The following INTS1 variants were observed in gnomAD, a reference collection of about 807,000 sequenced individuals.
INTS1 encodes the protein integrator complex subunit 1.
INTS1 carries 137 observed loss-of-function variants against 241.6 expected under a neutral mutation model. That is an observed-to-expected ratio of 0.57 (90% CI 0.49 to 0.65). INTS1 has a LOEUF of 0.65. INTS1 is among the 30% of genes least tolerant of loss of function. The pLI is 0.00. For missense variants in INTS1, 3,073 were observed against 3,032.2 expected (o/e 1.01, Z -0.32); for synonymous variants, 1,692 against 1,337.8 (o/e 1.26, Z -5.78).
At position 1,481,542 on chromosome 7, in the gene INTS1, G is replaced by C; in HGVS notation, c.3704-54C>G. ...CCCAAAACCCGGGCAATGCGCACTC[G>C]GGACCCCACCCGAGACCTGGGGCTG... On this transcript the variant is annotated intron_variant, in intron 27 of 47. Transcript: ENST00000404767. The surrounding 1 kb of genome is among the most constrained non-coding windows in gnomAD (Gnocchi z 6.8). 1.9e-6 allele frequency: 3 copies of C among 1,545,592 alleles called. No individual in the cohort carries two copies. The highest frequency in any genetic ancestry group is 2.6e-6 in the Non-Finnish European group (3 of 1,147,892).
rs1782053515 is a variant in INTS1, at chr7:1,482,691, G to C, written c.3558C>G (p.Phe1186Leu). ...GAAACCAGATGTCCAGCAGCGCCTG[G>C]AACTCGCTGTCGTCGGCTTCAGGAA... ...LGPPRADDSE[F>L]QALLDIWFPE... Residue 1186 changes from phenylalanine to leucine, a missense_variant, in exon 27 of 48, where the codon TTC (phenylalanine) becomes TTG (leucine). Transcript: ENST00000404767. 1 of 1,612,576 alleles carries C rather than the reference G, an allele frequency of 6.2e-7. No homozygotes were observed. The highest frequency in any genetic ancestry group is 1.3e-5 in the African/African-American group (1 of 74,954).
Position 1,478,810 on chromosome 7 carries a change from T to C in INTS1, c.4405A>G (p.Ser1469Gly). Residue 1469 changes from serine (S) to glycine (G), a missense_variant, in exon 32 of 48, where the codon AGC (serine) becomes GGC (glycine). By Grantham distance (56) the Ser-to-Gly change is moderately conservative. Transcript: ENST00000404767. ...AGGGGCCCGCCCTCCACGCCAGGGC[T>C]GTCCAGCCACTGCAGCATCTGCAGG... The part of the protein sequence containing the change: ...VLLQMLQWLD[S>G]PGVEGGPLRA... The C allele has an allele frequency of 6.2e-7, 1 of 1,608,528 alleles. No homozygotes were observed. Among genetic ancestry groups the C allele is most frequent in the Non-Finnish European group, 8.5e-7 (1 of 1,178,210 alleles).
At chr7:1,474,430 C>G in intron 40 of INTS1, 70 bp from the exon 41 acceptor site, 7 of 1,455,516 alleles carry the variant, frequency 4.8e-6, no homozygotes, top group Non-Finnish European at 6.4e-6. Flanking sequence ...CCAGGAAGGC[C>G]CCACTGCCTG....
rs565062177 is a variant in INTS1, at chr7:1,496,136, G to C, written c.1711+20C>G. ...CCGAGACCCCCACCAAGCAGGGCCAGGCCACCCCCACATCCTTACTCCTCT... is the reference window on the plus strand; with the variant it reads ...CCGAGACCCCCACCAAGCAGGGCCACGCCACCCCCACATCCTTACTCCTCT... On this transcript the variant is annotated intron_variant, in intron 12 of 47. Transcript: ENST00000404767. 6.2e-7 allele frequency: 1 copy of C among 1,603,026 alleles called. No individual in the cohort carries two copies. Among genetic ancestry groups the C allele is most frequent in the South Asian group, 1.1e-5 (1 of 90,858 alleles).
chr7:1,475,020 G>A (rs939302027), intron 39 of INTS1, among the ~76,000 whole-genome samples, 182 bp from the exon 40 acceptor site: 4 of 152,240 alleles, frequency 2.6e-5, no homozygotes, highest in Admixed American at 1.3e-4. Flanking sequence ...CAGCCTCTGG[G>A]AAAACCCCAT....
intron 39 of INTS1, 97 bp downstream of exon 39, chr7:1,475,851 C>A: frequency 7.1e-7 from 1 of 1,416,822 alleles, no homozygotes; most frequent in Non-Finnish European, 9.4e-7. Flanking sequence ...AGAGGGGTAG[C>A]CGGCGATGGC....
chr7:1,491,180 A>G (rs1269893060), intron 16 of INTS1, among the ~76,000 whole-genome samples: 1 of 152,232 alleles, frequency 6.6e-6, no homozygotes, highest in Non-Finnish European at 1.5e-5. Flanking sequence ...CGTCCTAGGT[A>G]CAACGTCAAA....
At chr7:1,484,423 G>A (rs1782150280) in intron 24 of INTS1, among the ~76,000 whole-genome samples, 1 of 152,200 alleles carries the variant, frequency 6.6e-6, no homozygotes, top group African/African-American at 2.4e-5. Context: ...GCTGCCCTCT[G>A]CCCGGCAGCC....
Position 1,470,893 on chromosome 7 carries a change from A to G in INTS1, c.6410T>C (p.Val2137Ala). ...YCLGSQDFEV[V>A]QTALRNLPEY... is the part of the protein sequence containing the mutation. Reference sequence around the variant, plus strand: ...AGGCAGGTTCCGGAGGGCCGTCTGCACCACCTCAAAGTCCTGGCTGCCCAG... The same window carrying G: ...AGGCAGGTTCCGGAGGGCCGTCTGCGCCACCTCAAAGTCCTGGCTGCCCAG... The change falls in exon 47 of 48, where the codon GTG becomes GCG. Residue 2137 changes from valine to alanine, a missense_variant. By Grantham distance (64) the Val-to-Ala change is moderately conservative. Transcript: ENST00000404767. 1 of 1,593,814 alleles carries G rather than the reference A, an allele frequency of 6.3e-7. No homozygotes were observed. Among genetic ancestry groups the G allele is most frequent in the Non-Finnish European group, 8.5e-7 (1 of 1,171,274 alleles).
chr7:1,504,165 C>A (rs901187184), intron 1 of INTS1, among the ~76,000 whole-genome samples, 158 bp downstream of exon 1: 13 of 152,192 alleles, frequency 8.5e-5, no homozygotes, highest in Non-Finnish European at 1.9e-4. Flanking sequence ...CGCCTCCCAG[C>A]CGCCCGGGAG....
rs1379619477 is a variant in INTS1 at position 1,500,258 on chromosome 7, C to T, written c.458G>A (p.Arg153His). The T allele has an allele frequency of 6.2e-7, 1 of 1,603,906 alleles. No individual in the cohort carries two copies. Among genetic ancestry groups the T allele is most frequent in the African/African-American group, 1.3e-5 (1 of 74,878 alleles). ...CGAVKQLKVT[R>H]AKPDSTLYLS... ...GTAGAGGGTGCTGTCAGGCTTGGCG[C>T]GGGTGACCTTCAGCTGCTTCACGGC... is the stretch of plus-strand genomic sequence containing the variant. The change falls in exon 4 of 48, where the codon CGC (arginine) becomes CAC (histidine). Residue 153 changes from arginine (R) to histidine (H), a missense_variant. Arg to His is a conservative substitution (Grantham distance 29). Coordinates refer to ENST00000404767, the MANE Select transcript of INTS1 (RefSeq NM_001080453.3).
At chr7:1,483,956 C>T (rs753873440) in intron 25 of INTS1, 47 bp downstream of exon 25, 72 of 1,589,246 alleles carry the variant, frequency 4.5e-5, no homozygotes, top group Non-Finnish European at 5.8e-5. Flanking sequence ...CTCACCCAGC[C>T]GTAGACCTCC....
At chr7:1,495,735 G>A (rs915489226) in intron 12 of INTS1, among the ~76,000 whole-genome samples, 182 bp from the exon 13 acceptor site, 38 of 152,130 alleles carry the variant, frequency 2.5e-4, no homozygotes, top group Middle Eastern at 3.2e-3. Flanking sequence ...TGACGCGTGC[G>A]TGGGTGACTG....
rs926379646 is a variant in INTS1 at position 1,497,025 on chromosome 7, G to A, written c.1602+113C>T. The A allele has an allele frequency of 3.6e-6, 4 of 1,108,210 alleles. No individual in the cohort carries two copies. Among genetic ancestry groups the A allele is most frequent in the Non-Finnish European group, 5.0e-6 (4 of 796,082 alleles). 68.6% of individuals were successfully genotyped at this position (1,108,210 alleles called of 1,614,324 possible). A position where few individuals can be genotyped will look rare whatever the true frequency, so the allele number is the denominator to read the frequency against. On this transcript the variant is annotated intron_variant, in intron 11 of 47. Coordinates refer to ENST00000404767, the MANE Select transcript of INTS1 (RefSeq NM_001080453.3). The surrounding 1 kb of genome is among the most constrained non-coding windows in gnomAD (Gnocchi z 5.3). ...CAGCCTCACTCATCCCCGTACCCACGCTCAGCCAGAGCATCCGAAGGGGTG... is the reference window on the plus strand; with the variant it reads ...CAGCCTCACTCATCCCCGTACCCACACTCAGCCAGAGCATCCGAAGGGGTG...
Position 1,473,183 on chromosome 7 carries a change from C to A in INTS1, c.5959G>T (p.Asp1987Tyr). 2 of 1,606,740 alleles carry A rather than the reference C, an allele frequency of 1.2e-6. No individual in the cohort carries two copies. The highest frequency in any genetic ancestry group is 1.7e-6 in the Non-Finnish European group (2 of 1,175,482). The change falls in exon 43 of 48, where the codon GAC becomes TAC. Residue 1987 changes from aspartate (D) to tyrosine (Y), a missense_variant and splice_region_variant. Asp to Tyr is a radical substitution (Grantham distance 160). Transcript: ENST00000404767. ...AGGTCACTGTTGTCGAAGGACAGGT[C>A]GCTGGGGAGAGAAGATGCTTTCACC... Reference protein sequence around the residue: ...FLQKHADPLHDLSFDNSDLVM... With the variant: ...FLQKHADPLHYLSFDNSDLVM...
At chr7:1,501,583 C>T (rs1783184632) in intron 3 of INTS1, among the ~76,000 whole-genome samples, 1 of 152,204 alleles carries the variant, frequency 6.6e-6, no homozygotes. Context: ...ATCTTCAAAA[C>T]CTCCTTTCTA....
chr7:1,479,335 C>A, intron 31 of INTS1, 95 bp downstream of exon 31: 2 of 1,381,418 alleles, frequency 1.4e-6, no homozygotes, highest in Admixed American at 2.5e-5. Context: ...AGACCCAAGA[C>A]CCACAGAGGA....
intron 16 of INTS1, among the ~76,000 whole-genome samples, chr7:1,490,556 G>A (rs890572981): frequency 7.2e-5 from 11 of 152,154 alleles, no homozygotes; most frequent in African/African-American, 2.4e-4. Context: ...CTGGATAAAG[G>A]GAAACCCCTG....
chr7:1,476,834 G>A lies in INTS1; in HGVS notation c.5023C>T (p.Gln1675Ter). The A allele has an allele frequency of 6.2e-7, 1 of 1,612,992 alleles. No individual in the cohort carries two copies. Among genetic ancestry groups the A allele is most frequent in the Non-Finnish European group, 8.5e-7 (1 of 1,179,868 alleles). The change falls in exon 36 of 48, where the codon CAG becomes TAG. Residue 1675 changes from glutamine (Q) to a stop codon, truncating the protein, a stop_gained. Coordinates refer to ENST00000404767, the MANE Select transcript of INTS1 (RefSeq NM_001080453.3). LOFTEE classifies it high-confidence loss of function. ...THQSSWPTLH[Q>*]CIRVLLGKSR... ...TTGCCCAGCAGGACTCGGATGCACT[G>A]GTGCAGTGTGGGCCAGCTGGACTGA...
Sources: allele counts gnomAD v4.1 joint callset (sites outside exome capture counted in the v4.1 genomes callset), GRCh38; gene constraint gnomAD v4.1.1; non-coding constraint Gnocchi (gnomAD v3.1); transcripts MANE v1.5; gene names NCBI Gene and HGNC (gene_info 2026-07-23, HGNC 2026-07-21).